The following CYP2J2 variants were observed in gnomAD, a reference collection of about 807,000 sequenced individuals.
CYP2J2 encodes the protein cytochrome P450 family 2 subfamily J member 2.
A neutral mutation model predicts 48.8 loss-of-function variants in CYP2J2; 41 were observed. The ratio of observed to expected loss-of-function variants is 0.84; its 90% CI spans 0.66 to 1.09. CYP2J2 has a LOEUF of 1.09. CYP2J2 is among the 50% of genes least tolerant of loss of function. The probability of loss-of-function intolerance (pLI) is 0.00; values close to 1 mark genes in which losing one functional copy is unlikely to be tolerated. For synonymous variants in CYP2J2, 221 were observed against 227.1 expected (o/e 0.97, Z 0.24); for missense variants, 644 against 617.3 (o/e 1.04, Z -0.46).
At chr1:59,910,539 T>G (rs2102122841) in intron 4 of CYP2J2, among the ~76,000 whole-genome samples, 1 of 152,304 alleles carries the variant, frequency 6.6e-6, no homozygotes, top group African/African-American at 2.4e-5. Flanking sequence ...AGTCATTTTC[T>G]TAAACCAAGG....
rs1315518511 is a variant in CYP2J2, at chr1:59,908,389, A to G, written c.862-462T>C. ...ATATGAATGCAAGGACGCAGAGCAAATACTCAACAAACATTTGTACTGATA... is the reference window on the plus strand; with the variant it reads ...ATATGAATGCAAGGACGCAGAGCAAGTACTCAACAAACATTTGTACTGATA... On this transcript the variant is annotated intron_variant, in intron 5 of 8. Coordinates refer to ENST00000371204, the MANE Select transcript of CYP2J2 (RefSeq NM_000775.4). Among the ~76,000 whole-genome samples the G allele has an allele frequency of 3.3e-5, 5 of 152,246 alleles. No homozygotes were observed. In the South Asian group the frequency reaches 8.3e-4, roughly 25 times the overall value.
chr1:59,902,161 C>T lies in CYP2J2; in HGVS notation c.1192-1058G>A, dbSNP rs184281627. The stretch of plus-strand genomic sequence containing the variant: ...TTTGTCATCAAGCTAACTCTTGAAG[C>T]TAATCCTCAGCTCAAACATCACTTC... On this transcript the variant is annotated intron_variant, in intron 7 of 8. Transcript: ENST00000371204. Among the ~76,000 whole-genome samples the T allele has an allele frequency of 4.5e-4, 68 of 152,284 alleles. 1 individual carries two copies. Among genetic ancestry groups the T allele is most frequent in the Non-Finnish European group, 5.4e-4 (37 of 68,006 alleles).
intron 2 of CYP2J2, among the ~76,000 whole-genome samples, chr1:59,914,834 G>T (rs1304786928): frequency 1.3e-5 from 2 of 152,218 alleles, no homozygotes; most frequent in Non-Finnish European, 2.9e-5. Context: ...AAAGCCTCTT[G>T]CAGTTGAGAT....
At chr1:59,942,116 T>C in the CYP2J2 span, among the ~76,000 whole-genome samples, 1 of 152,320 alleles carries the variant, frequency 6.6e-6, no homozygotes, top group Non-Finnish European at 1.5e-5. Flanking sequence ...GAAACTTATG[T>C]TCTGGCTGGA....
the CYP2J2 span, among the ~76,000 whole-genome samples, chr1:59,933,615 A>G: frequency 1.2e-4 from 18 of 152,242 alleles, no homozygotes; most frequent in African/African-American, 4.3e-4. Flanking sequence ...TCTACATGTA[A>G]GATTATGTCA....
chr1:59,968,655 C>T, the CYP2J2 span, among the ~76,000 whole-genome samples: 1 of 152,192 alleles, frequency 6.6e-6, no homozygotes, highest in African/African-American at 2.4e-5. Context: ...ACAGTGACAC[C>T]AGAGGATGGA....
the CYP2J2 span, among the ~76,000 whole-genome samples, chr1:59,935,027 T>TACACACAC: frequency 1.0e-5 from 1 of 100,148 alleles, no homozygotes; most frequent in Non-Finnish European, 2.1e-5. Flanking sequence ...TATATATATA[T>TACACACAC]ATATATATAT....
At chr1:59,939,622 T>C in the CYP2J2 span, among the ~76,000 whole-genome samples, 1 of 152,146 alleles carries the variant, frequency 6.6e-6, no homozygotes, top group Non-Finnish European at 1.5e-5. Flanking sequence ...TCTGGGGCTG[T>C]AGATGTCAAA....
At chr1:59,914,631 C>T (rs2102128065) in intron 2 of CYP2J2, among the ~76,000 whole-genome samples, 1 of 152,262 alleles carries the variant, frequency 6.6e-6, no homozygotes, top group South Asian at 2.1e-4. Context: ...TTGCCATTCT[C>T]TAGTCTTGAT....
At chr1:59,934,235 C>A in the CYP2J2 span, among the ~76,000 whole-genome samples, 9 of 152,044 alleles carry the variant, frequency 5.9e-5, no homozygotes, top group African/African-American at 2.2e-4. Flanking sequence ...AAAATAAACT[C>A]AAAATGGATT....
At chr1:59,912,062 A>G (rs1644421431) in intron 3 of CYP2J2, 100 bp downstream of exon 3, 1 of 1,284,244 alleles carries the variant, frequency 7.8e-7, no homozygotes, top group Non-Finnish European at 1.1e-6. Flanking sequence ...CATTCCTAGC[A>G]CAGTGCTGGG....
the CYP2J2 span, among the ~76,000 whole-genome samples, chr1:59,965,110 G>C: frequency 6.6e-6 from 1 of 152,230 alleles, no homozygotes; most frequent in Non-Finnish European, 1.5e-5. Context: ...TGTGTTAGAT[G>C]AGCTGAATTG....
chr1:59,938,873 C>A, the CYP2J2 span, among the ~76,000 whole-genome samples: 1 of 152,188 alleles, frequency 6.6e-6, no homozygotes, highest in African/African-American at 2.4e-5. Context: ...TGCATTGTGC[C>A]CCTGGTTTAT....
At chr1:59,901,238 GTCTC>G in intron 7 of CYP2J2, 135 bp from the exon 8 acceptor site, 6 of 804,456 alleles carry the variant, frequency 7.5e-6, no homozygotes, top group Non-Finnish European at 1.2e-5. Flanking sequence ...GTGGTACACA[GTCTC>G]CTGTGTCCCC....
chr1:59,908,525 T>C (rs1344433749), intron 5 of CYP2J2, among the ~76,000 whole-genome samples: 1 of 152,232 alleles, frequency 6.6e-6, no homozygotes, highest in Non-Finnish European at 1.5e-5. Context: ...TTCCTCATGA[T>C]ACTCTGTCAT....
intron 8 of CYP2J2, among the ~76,000 whole-genome samples, chr1:59,896,030 A>G (rs11572325): frequency 6.6e-6 from 1 of 152,042 alleles, no homozygotes. Flanking sequence ...TAGATGCCCA[A>G]TCAAGCTGAT....
rs774703352 is a variant in CYP2J2, at chr1:59,911,769, C to A, written c.524-1G>T. The A allele has an allele frequency of 3.1e-6, 5 of 1,611,288 alleles. No individual in the cohort carries two copies. In the African/African-American group the frequency reaches 5.3e-5, roughly 17 times the overall value. On this transcript the variant is annotated splice_acceptor_variant, in intron 3 of 8. Coordinates refer to ENST00000371204, the MANE Select transcript of CYP2J2 (RefSeq NM_000775.4). LOFTEE classifies it high-confidence loss of function. ...TTGAAATGAGGGTCAAAAGGCTGTCCTGAAGGTGGAGGAAGGGCAAGATGG... is the reference window on the plus strand; with the variant it reads ...TTGAAATGAGGGTCAAAAGGCTGTCATGAAGGTGGAGGAAGGGCAAGATGG...
the CYP2J2 span, among the ~76,000 whole-genome samples, chr1:59,961,491 T>C: frequency 1.3e-5 from 2 of 152,150 alleles, no homozygotes; most frequent in East Asian, 1.9e-4. Context: ...GGTGAGAATG[T>C]GTACAGAATG....
the CYP2J2 span, among the ~76,000 whole-genome samples, chr1:59,933,629 G>A: frequency 6.6e-6 from 1 of 152,062 alleles, no homozygotes; most frequent in African/African-American, 2.4e-5. Context: ...TATGTCATCT[G>A]TGAACAGAGA....
Sources: allele counts gnomAD v4.1 joint callset (sites outside exome capture counted in the v4.1 genomes callset), GRCh38; gene constraint gnomAD v4.1.1; transcripts MANE v1.5; gene names NCBI Gene and HGNC (gene_info 2026-07-23, HGNC 2026-07-21).